Variants in EXD3 observed in about 807,000 individuals in gnomAD.
The protein encoded by EXD3 is exonuclease 3'-5' domain containing 3.
A neutral mutation model predicts 98.0 loss-of-function variants in EXD3; 92 were observed. That is an observed-to-expected ratio of 0.94 (90% CI 0.79 to 1.12). EXD3 has a LOEUF of 1.12. EXD3 is among the 50% of genes most tolerant of loss of function. The pLI is 0.00. For synonymous variants in EXD3, 569 were observed against 526.0 expected (o/e 1.08, Z -1.12); for missense variants, 1,222 against 1,191.6 (o/e 1.03, Z -0.38).
chr9:137,366,699 CCCAGAGGGAGCGG>C, intron 6 of EXD3, 67 bp from the exon 7 acceptor site: 1 of 1,509,538 alleles, frequency 6.6e-7, no homozygotes, highest in Non-Finnish European at 8.9e-7. Context: ...TCACCTCCAA[CCCAGAGGGAGCGG>C]CCAAAGTGTC....
In EXD3 at chr9:137,352,642, G is replaced by A. The variant is rs533372753; in HGVS notation, c.1015C>T (p.Arg339Cys). 2.5e-5 allele frequency: 39 copies of A among 1,547,524 alleles called. No individual in the cohort carries two copies. Among genetic ancestry groups the A allele is most frequent in the Admixed American group, 1.4e-4 (7 of 50,614 alleles). ...RLPAAVAVEL[R>C]RFRLQGRATE... is the part of the protein sequence containing the mutation. ...CACCTCCCCTGGAGCCTGAACCGGCGGAGTTCCACAGCCACCGCAGCCGGC... is the reference window on the plus strand; with the variant it reads ...CACCTCCCCTGGAGCCTGAACCGGCAGAGTTCCACAGCCACCGCAGCCGGC... Residue 339 changes from arginine (R) to cysteine (C), a missense_variant, in exon 11 of 22, where the codon CGC becomes TGC. By Grantham distance (180) the Arg-to-Cys change is radical (BLOSUM62 -3). Transcript: ENST00000340951.
chr9:137,356,392 C>G, intron 7 of EXD3, 24 bp from the exon 8 acceptor site: 1 of 1,432,420 alleles, frequency 7.0e-7, no homozygotes, highest in Non-Finnish European at 9.7e-7. Flanking sequence ...GAGGCACAGC[C>G]TCTGTTGCTG....
intron 1 of EXD3, among the ~76,000 whole-genome samples, chr9:137,408,546 C>CA (rs570243090): frequency 0.018 from 801 of 44,464 alleles, 72 homozygotes; most frequent in African/African-American, 0.063. Context: ...GACTCTGCCT[C>CA]AAAAAAAAAA....
intron 1 of EXD3, among the ~76,000 whole-genome samples, chr9:137,412,342 C>T (rs544510269): frequency 6.6e-5 from 10 of 152,288 alleles, no homozygotes; most frequent in Middle Eastern, 3.4e-3. Flanking sequence ...CTTTTTATAT[C>T]GACTGCATGT....
intron 17 of EXD3, among the ~76,000 whole-genome samples, chr9:137,328,054 A>T (rs1218840753): frequency 6.9e-6 from 1 of 145,604 alleles, no homozygotes; most frequent in African/African-American, 2.5e-5. Context: ...AAACACCCAC[A>T]TGATGAGTAA....
chr9:137,369,381 A>G (rs773143826), intron 5 of EXD3, among the ~76,000 whole-genome samples: 17 of 152,170 alleles, frequency 1.1e-4, no homozygotes, highest in Admixed American at 8.5e-4. Flanking sequence ...GCAGGGGTGC[A>G]GGGCCGGACA....
At chr9:137,417,166 G>T (rs1440692336) in intron 1 of EXD3, among the ~76,000 whole-genome samples, 4 of 152,202 alleles carry the variant, frequency 2.6e-5, no homozygotes, top group African/African-American at 9.6e-5. Context: ...CCAGACGCCG[G>T]GGGAGAAGTC....
At chr9:137,391,571 ACCCC>A (rs1836912726) in intron 2 of EXD3, among the ~76,000 whole-genome samples, 3 of 57,528 alleles carry the variant, frequency 5.2e-5, no homozygotes, top group East Asian at 5.6e-4. Context: ...TCCCCGCCCC[ACCCC>A]ACCGCCCGCC....
At chr9:137,401,406 C>T (rs534426744) in intron 1 of EXD3, among the ~76,000 whole-genome samples, 5 of 152,232 alleles carry the variant, frequency 3.3e-5, no homozygotes, top group South Asian at 2.1e-4. Context: ...CTGCCTGCCT[C>T]GGCCTCCCAA....
Position 137,373,541 on chromosome 9 carries a change from A to G in EXD3, c.179T>C (p.Leu60Pro). The change falls in exon 4 of 22, where the codon CTG (leucine) becomes CCG (proline). Residue 60 changes from leucine to proline, a missense_variant. Coordinates refer to ENST00000340951, the MANE Select transcript of EXD3 (RefSeq NM_017820.5). ...GCCCCGGCAGCTCTCCAGCATGTCC[A>G]GAAGCCCGGCCAGGGGGTCGTCCAA... ...AALDDPLAGL[L>P]DMLESCRGQR... 1 of 1,603,664 alleles carries G rather than the reference A, an allele frequency of 6.2e-7. No homozygotes were observed. The highest frequency in any genetic ancestry group is 8.5e-7 in the Non-Finnish European group (1 of 1,176,290).
At chr9:137,314,485 C>G (rs1035064460) in intron 19 of EXD3, among the ~76,000 whole-genome samples, 1 of 152,144 alleles carries the variant, frequency 6.6e-6, no homozygotes, top group African/African-American at 2.4e-5. Flanking sequence ...CCAGTCTATC[C>G]CCGTGGAGCA....
chr9:137,356,099 TCA>T (rs1323893377), intron 8 of EXD3, among the ~76,000 whole-genome samples, 167 bp downstream of exon 8: 1 of 152,184 alleles, frequency 6.6e-6, no homozygotes, highest in Non-Finnish European at 1.5e-5. Context: ...CAGGCCCACC[TCA>T]CAGCCACTCT....
chr9:137,406,377 G>GTT (rs34833182), intron 1 of EXD3, among the ~76,000 whole-genome samples: 98,215 of 151,716 alleles, frequency 0.65, 32,052 homozygotes, highest in Non-Finnish European at 0.68. Context: ...CTGGCAGCAA[G>GTT]TTATCTGGAG....
rs1832244424 is a variant in EXD3 at position 137,324,011 on chromosome 9, T to G, written c.2052+79A>C. On this transcript the variant is annotated intron_variant, in intron 18 of 21. Coordinates refer to ENST00000340951, the MANE Select transcript of EXD3 (RefSeq NM_017820.5). This position sits in a 1 kb window ranked among gnomAD's most constrained non-coding sequence, Gnocchi z 4.1. ...GGTCGGCCCCACGGCAAGCTGACCC[T>G]GAGGTGGGGGTGGCCGAGGGGCTGG... is the stretch of plus-strand genomic sequence containing the variant. 1 of 1,537,654 alleles carries G rather than the reference T, an allele frequency of 6.5e-7. No individual in the cohort carries two copies. The highest frequency in any genetic ancestry group is 1.4e-5 in the African/African-American group (1 of 72,908).
chr9:137,399,514 T>C (rs1390838394), intron 1 of EXD3, among the ~76,000 whole-genome samples: 1 of 152,222 alleles, frequency 6.6e-6, no homozygotes. Flanking sequence ...CTATCACAAA[T>C]TTAATACTAT....
chr9:137,334,253 C>G (rs1360358247), intron 17 of EXD3, among the ~76,000 whole-genome samples: 1 of 152,332 alleles, frequency 6.6e-6, no homozygotes, highest in East Asian at 1.9e-4. Flanking sequence ...CCGCCCACCT[C>G]TGCCTCTCAA....
chr9:137,351,212 AG>A, intron 13 of EXD3, 65 bp from the exon 14 acceptor site: 1 of 1,534,108 alleles, frequency 6.5e-7, no homozygotes, highest in African/African-American at 1.4e-5. Flanking sequence ...CCCTGACCCC[AG>A]GGTGCACCCA....
At chr9:137,315,246 C>T (rs1335487713) in intron 19 of EXD3, among the ~76,000 whole-genome samples, 2 of 152,234 alleles carry the variant, frequency 1.3e-5, no homozygotes, top group African/African-American at 4.8e-5. Context: ...TCAGCCTTTC[C>T]CTGGGCACCC....
At chr9:137,368,887 C>CCGGGG (rs1835424769) in intron 5 of EXD3, among the ~76,000 whole-genome samples, 1 of 146,152 alleles carries the variant, frequency 6.8e-6, no homozygotes, top group Non-Finnish European at 1.5e-5. Context: ...GGGCGAAGGT[C>CCGGGG]CGGGGCGGGG....
Sources: gnomAD v4.1 joint callset for allele counts (sites outside exome capture counted in the v4.1 genomes callset) on GRCh38, gnomAD v4.1.1 for gene constraint, Gnocchi (gnomAD v3.1) non-coding constraint, MANE v1.5 for transcripts, NCBI Gene and HGNC (gene_info 2026-07-23, HGNC 2026-07-21) for gene names.